SLC13A3: variants seen among roughly 807,000 people sequenced by gnomAD.
The protein encoded by SLC13A3 is Na(+)/dicarboxylate cotransporter 3.
A neutral mutation model predicts 59.0 loss-of-function variants in SLC13A3; 40 were observed. The observed-to-expected ratio is 0.68, with a 90% CI of 0.53 to 0.88. The LOEUF is 0.88. Among genes scored for constraint, SLC13A3 ranks in the 40% least tolerant of loss-of-function variants. SLC13A3 has a pLI of 0.00. For missense variants in SLC13A3, 699 were observed against 783.2 expected, an observed-to-expected ratio of 0.89 and a Z score of 1.28; for synonymous variants, 317 against 330.3, an observed-to-expected ratio of 0.96 and a Z score of 0.44.
intron 1 of SLC13A3, among the ~76,000 whole-genome samples, chr20:46,616,514 G>T (rs1158573701): frequency 1.3e-5 from 2 of 152,196 alleles, no homozygotes; most frequent in African/African-American, 4.8e-5. Context: ...GAGTCAGCAG[G>T]TGGATGTCAG....
chr20:46,601,243 C>A (rs368772243), intron 3 of SLC13A3, among the ~76,000 whole-genome samples: 1 of 152,084 alleles, frequency 6.6e-6, no homozygotes, highest in Non-Finnish European at 1.5e-5. Context: ...GGGCCTGGTC[C>A]GAGAGAATGG....
chr20:46,679,624 A>AG (rs944124523), intron 1 of SLC13A3, among the ~76,000 whole-genome samples: 6 of 149,218 alleles, frequency 4.0e-5, no homozygotes, highest in African/African-American at 1.5e-4. Flanking sequence ...AAAAAAAAAA[A>AG]GGGGGTGGGG....
chr20:46,592,404 C>A lies in SLC13A3; in HGVS notation c.920G>T (p.Arg307Met), dbSNP rs781028024. 6.2e-7 allele frequency: 1 copy of A among 1,613,818 alleles called. No individual in the cohort carries two copies. Among genetic ancestry groups the A allele is most frequent in the Admixed American group, 1.7e-5 (1 of 60,012 alleles). The change falls in exon 6 of 13, where the codon AGG becomes ATG. Residue 307 changes from arginine to methionine, a missense_variant and splice_region_variant. By Grantham distance (91) the Arg-to-Met change is moderately conservative. Coordinates refer to ENST00000279027, the MANE Select transcript of SLC13A3 (RefSeq NM_022829.6). ...TTGCCAAAAAGAAAATGAGAGGTAC[C>A]TGAAGCTCAGTCCCCCGTACAGGAA... ...ISFLYGGLSF[R>M]GWRKNKSEIR... is the part of the protein sequence containing the mutation.
intron 1 of SLC13A3, among the ~76,000 whole-genome samples, chr20:46,627,304 A>G (rs1181192300): frequency 6.6e-6 from 1 of 152,200 alleles, no homozygotes; most frequent in African/African-American, 2.4e-5. Flanking sequence ...TGCACTTCCA[A>G]TAGTGCTGTG....
intron 5 of SLC13A3, 144 bp from the exon 6 acceptor site, chr20:46,592,673 A>G (rs2062271976): frequency 2.4e-6 from 2 of 821,684 alleles, no homozygotes; most frequent in East Asian, 5.6e-5. Context: ...GTTTTCCACC[A>G]ATTCTAATAG....
At position 46,566,263 on chromosome 20, in the gene SLC13A3, G is replaced by C; in HGVS notation, c.1460C>G (p.Thr487Ser). The C allele has an allele frequency of 1.9e-6, 3 of 1,613,724 alleles. No homozygotes were observed. The highest frequency in any genetic ancestry group is 2.5e-6 in the Non-Finnish European group (3 of 1,179,740). The change falls in exon 11 of 13, where the codon ACC (threonine) becomes AGC (serine). Residue 487 changes from threonine (T) to serine (S), a missense_variant. Coordinates refer to ENST00000279027, the MANE Select transcript of SLC13A3 (RefSeq NM_022829.6). The part of the protein sequence containing the change: ...FFTEFASNTA[T>S]IIIFLPVLAE... ...CAGGACCGGCAGGAAGATGATGATG[G>C]TCGCCGTGTTGCTGGCAAACTCAGT...
chr20:46,650,923 T>C (rs1177335587), intron 1 of SLC13A3, among the ~76,000 whole-genome samples: 1 of 152,036 alleles, frequency 6.6e-6, no homozygotes, highest in Non-Finnish European at 1.5e-5. Context: ...TAGCTGGGCA[T>C]GCACCTGTAG....
At chr20:46,647,972 C>T (rs144918376) in intron 1 of SLC13A3, among the ~76,000 whole-genome samples, 8 of 152,276 alleles carry the variant, frequency 5.3e-5, no homozygotes, top group South Asian at 2.1e-4. Context: ...GCATTCATGG[C>T]GCCAGAATAT....
At chr20:46,636,263 T>C (rs2062794451) in intron 1 of SLC13A3, among the ~76,000 whole-genome samples, 2 of 152,194 alleles carry the variant, frequency 1.3e-5, no homozygotes. Context: ...AACAATACTA[T>C]AGATCTTGCT....
chr20:46,608,861 G>T, intron 3 of SLC13A3: 2 of 1,545,630 alleles, frequency 1.3e-6, no homozygotes, highest in Non-Finnish European at 1.7e-6. Context: ...TATCTCTCAA[G>T]ATGTGGCTCC....
rs74645044 is a variant in SLC13A3 at position 46,606,882 on chromosome 20, A to T, written c.541+3564T>A. Among the ~76,000 whole-genome samples the T allele has an allele frequency of 3.7e-3, 568 of 152,294 alleles. 20 individuals are homozygous for T. The East Asian group carries it at 0.067, about 18-fold the overall frequency. On this transcript the variant is annotated intron_variant, in intron 3 of 12. Coordinates refer to ENST00000279027, the MANE Select transcript of SLC13A3 (RefSeq NM_022829.6). ...GCAGGGGGACATTGGCGAAGCCATC[A>T]CTCACATGGCCCCTGGGTCCCCCAG...
intron 1 of SLC13A3, among the ~76,000 whole-genome samples, chr20:46,650,908 A>G (rs910495506): frequency 2.0e-5 from 3 of 152,120 alleles, no homozygotes; most frequent in Non-Finnish European, 4.4e-5. Flanking sequence ...CTATTAAAAA[A>G]AAATTAGCTG....
chr20:46,613,863 C>A, intron 1 of SLC13A3, 138 bp from the exon 2 acceptor site: 2 of 728,634 alleles, frequency 2.7e-6, no homozygotes, highest in Non-Finnish European at 4.4e-6. Flanking sequence ...AGGGCCTGCC[C>A]CGGCTTGTTC....
At chr20:46,561,543 C>T (rs1016935732) in intron 12 of SLC13A3, among the ~76,000 whole-genome samples, 8 of 151,922 alleles carry the variant, frequency 5.3e-5, no homozygotes, top group African/African-American at 9.7e-5. Flanking sequence ...TTGTTTTTGC[C>T]GCTTTGCATT....
chr20:46,675,337 C>T (rs1339935278), intron 1 of SLC13A3, among the ~76,000 whole-genome samples: 1 of 151,726 alleles, frequency 6.6e-6, no homozygotes, highest in African/African-American at 2.4e-5. Flanking sequence ...TCAAGCAATT[C>T]TCCTGCCTCA....
chr20:46,580,857 T>C (rs1014264821), intron 9 of SLC13A3, among the ~76,000 whole-genome samples: 3 of 152,188 alleles, frequency 2.0e-5, no homozygotes, highest in African/African-American at 4.8e-5. Context: ...CAATCTACCA[T>C]TGCCATGGCA....
intron 12 of SLC13A3, among the ~76,000 whole-genome samples, chr20:46,561,927 G>A (rs985956681): frequency 2.0e-5 from 3 of 152,164 alleles, no homozygotes; most frequent in Non-Finnish European, 4.4e-5. Context: ...ACTCTCAGGA[G>A]CGAACCTGCA....
At chr20:46,648,342 A>G (rs1170121791) in intron 1 of SLC13A3, among the ~76,000 whole-genome samples, 3 of 152,190 alleles carry the variant, frequency 2.0e-5, no homozygotes, top group Non-Finnish European at 4.4e-5. Context: ...AAATTGAGAA[A>G]CACGTCTGTT....
chr20:46,634,329 G>A (rs1303913294), intron 1 of SLC13A3, among the ~76,000 whole-genome samples: 1 of 152,172 alleles, frequency 6.6e-6, no homozygotes, highest in African/African-American at 2.4e-5. Flanking sequence ...TTAATCCAGA[G>A]GTGATGCAGA....
Sources: allele counts gnomAD v4.1 joint callset (sites outside exome capture counted in the v4.1 genomes callset), GRCh38; gene constraint gnomAD v4.1.1; transcripts MANE v1.5; gene names NCBI Gene and HGNC (gene_info 2026-07-23, HGNC 2026-07-21).